Variants in GDAP1 observed in about 807,000 individuals in gnomAD.
GDAP1 encodes the protein ganglioside-induced differentiation-associated protein 1.
GDAP1 carries 34 observed loss-of-function variants against 40.1 expected under a neutral mutation model. The ratio of observed to expected loss-of-function variants is 0.85; its 90% CI spans 0.64 to 1.13. GDAP1 has a LOEUF of 1.13. Among genes scored for constraint, GDAP1 ranks in the 50% most tolerant of loss-of-function variants. The pLI is 0.00. For synonymous variants in GDAP1, 170 were observed against 157.4 expected, an observed-to-expected ratio of 1.08 and a Z score of -0.60; for missense variants, 374 against 433.7, an observed-to-expected ratio of 0.86 and a Z score of 1.22.
chr8:74,482,188 T>G (rs1372635711), intron 2 of GDAP1, among the ~76,000 whole-genome samples: 2 of 151,874 alleles, frequency 1.3e-5, no homozygotes, highest in Non-Finnish European at 2.9e-5. Flanking sequence ...TCATTTACAT[T>G]CTTATGTTAT....
intron 2 of GDAP1, among the ~76,000 whole-genome samples, chr8:74,488,348 G>A (rs1163267924): frequency 8.5e-5 from 13 of 152,116 alleles, no homozygotes; most frequent in Admixed American, 8.5e-4. Flanking sequence ...CTTGAGGGAT[G>A]AAATTCCTAG....
chr8:74,422,416 C>T (rs535218236), intron 2 of GDAP1, among the ~76,000 whole-genome samples: 4 of 121,354 alleles, frequency 3.3e-5, no homozygotes, highest in African/African-American at 9.5e-5. Flanking sequence ...TCTCTCTCTT[C>T]GTTTTCTTCC....
At chr8:74,483,054 G>A (rs2128721756) in intron 2 of GDAP1, among the ~76,000 whole-genome samples, 1 of 152,190 alleles carries the variant, frequency 6.6e-6, no homozygotes, top group South Asian at 2.1e-4. Context: ...TAAAATGAAA[G>A]TAAACTCTGT....
chr8:74,478,386 G>A (rs1806662671), intron 2 of GDAP1, among the ~76,000 whole-genome samples: 1 of 152,068 alleles, frequency 6.6e-6, no homozygotes, highest in Admixed American at 6.5e-5. Context: ...TACAGGGAGG[G>A]CGTGGGTAGG....
At chr8:74,361,845 G>T in intron 3 of GDAP1, 39 bp from the exon 4 acceptor site, 1 of 1,152,676 alleles carries the variant, frequency 8.7e-7, no homozygotes, top group South Asian at 1.2e-5. Flanking sequence ...GTAGAAGGGA[G>T]AAAATAATTT....
chr8:74,416,256 C>G (rs1229588971), intron 2 of GDAP1, among the ~76,000 whole-genome samples: 1 of 150,026 alleles, frequency 6.7e-6, no homozygotes, highest in East Asian at 1.9e-4. Context: ...GCCCTGGTAG[C>G]TTAACACAAA....
At chr8:74,456,029 G>A (rs576887144) in intron 2 of GDAP1, among the ~76,000 whole-genome samples, 2 of 151,966 alleles carry the variant, frequency 1.3e-5, no homozygotes, top group South Asian at 4.2e-4. Context: ...AACTTACTCT[G>A]TCATATTTAT....
At chr8:74,405,282 C>T (rs891809452) in intron 2 of GDAP1, among the ~76,000 whole-genome samples, 2 of 150,110 alleles carry the variant, frequency 1.3e-5, no homozygotes, top group African/African-American at 5.1e-5. Context: ...TCCACCTGGC[C>T]TGGCCCTTGA....
intron 2 of GDAP1, among the ~76,000 whole-genome samples, chr8:74,409,502 C>T (rs980998385): frequency 1.6e-4 from 24 of 149,664 alleles, no homozygotes; most frequent in Non-Finnish European, 3.4e-4. Flanking sequence ...CAGGCATGCA[C>T]CATTACTGCC....
chr8:74,447,331 A>C (rs1268184582), intron 2 of GDAP1, among the ~76,000 whole-genome samples: 1 of 152,148 alleles, frequency 6.6e-6, no homozygotes, highest in Non-Finnish European at 1.5e-5. Flanking sequence ...GGTAATTATT[A>C]AAGCTGGGAA....
intron 2 of GDAP1, among the ~76,000 whole-genome samples, chr8:74,478,750 C>G (rs1162392196): frequency 6.6e-6 from 1 of 152,190 alleles, no homozygotes; most frequent in Admixed American, 6.5e-5. Context: ...GAGTTCTGCC[C>G]CTACCACTTG....
chr8:74,362,784 C>CTTTTTTTTTTTTTTTTTTTTTT, intron 4 of GDAP1, among the ~76,000 whole-genome samples, 155 bp from the exon 5 acceptor site: 1 of 60,450 alleles, frequency 1.7e-5, no homozygotes, highest in South Asian at 7.1e-4. Flanking sequence ...CTCTCTCTCT[C>CTTTTTTTTTTTTTTTTTTTTTT]TTTTTTTTTT....
intron 2 of GDAP1, among the ~76,000 whole-genome samples, chr8:74,434,172 G>T (rs146948303): frequency 6.6e-6 from 1 of 152,122 alleles, no homozygotes; most frequent in Non-Finnish European, 1.5e-5. Context: ...GAACCCACTG[G>T]GGTTCCCACT....
chr8:74,416,937 T>G lies in GDAP1; in HGVS notation c.165+65616T>G, dbSNP rs1172031638. 2.7e-5 allele frequency among the ~76,000 whole-genome samples: 4 copies of G among 147,686 alleles called. 1 individual carries two copies. Among genetic ancestry groups the G allele is most frequent in the African/African-American group, 7.9e-5 (3 of 37,796 alleles). On this transcript the variant is annotated intron_variant, in intron 2 of 2. Transcript: ENST00000523640. ...TTGTTTTTTTGTTTTTTGTTTTTTT[T>G]TTTTTTAACAGAGGCATAGTGCACT... is the stretch of plus-strand genomic sequence containing the variant.
chr8:74,465,222 AAAAT>A (rs1806454047), intron 2 of GDAP1, among the ~76,000 whole-genome samples: 1 of 152,126 alleles, frequency 6.6e-6, no homozygotes, highest in Non-Finnish European at 1.5e-5. Flanking sequence ...CTCCTCTCCA[AAAAT>A]AAATAAATAA....
Position 74,363,246 on chromosome 8 carries a change from T to G in GDAP1, c.694+193T>G, listed in dbSNP as rs1332783193. On this transcript the variant is annotated intron_variant, in intron 5 of 5. Transcript: ENST00000220822. Reference sequence around the variant, plus strand: ...GTCTAATTGTAACTCAATCTGCATCTACGTGAAGGATTTTTCTGCATAATT... The same window carrying G: ...GTCTAATTGTAACTCAATCTGCATCGACGTGAAGGATTTTTCTGCATAATT... 2.1e-4 allele frequency among the ~76,000 whole-genome samples: 32 copies of G among 152,358 alleles called. 1 individual carries two copies. The highest frequency in any genetic ancestry group is 7.3e-5 in the Non-Finnish European group (5 of 68,030).
downstream of GDAP1, among the ~76,000 whole-genome samples, chr8:74,370,464 T>C (rs1281962511): frequency 1.3e-5 from 2 of 152,294 alleles, no homozygotes; most frequent in African/African-American, 4.8e-5. Flanking sequence ...TAGTGCAATT[T>C]TGACACTAAA....
intron 2 of GDAP1, among the ~76,000 whole-genome samples, chr8:74,442,958 C>T (rs1374502213): frequency 6.6e-6 from 1 of 152,184 alleles, no homozygotes; most frequent in Non-Finnish European, 1.5e-5. Flanking sequence ...AAATGGAGCA[C>T]CACCTTTTAG....
chr8:74,455,497 A>G (rs1806325495), intron 2 of GDAP1, among the ~76,000 whole-genome samples: 1 of 152,016 alleles, frequency 6.6e-6, no homozygotes, highest in Non-Finnish European at 1.5e-5. Context: ...TACAAAATGT[A>G]CTATATAATT....
Sources: gnomAD v4.1 joint callset for allele counts (sites outside exome capture counted in the v4.1 genomes callset) on GRCh38, gnomAD v4.1.1 for gene constraint, MANE v1.5 for transcripts, NCBI Gene and HGNC (gene_info 2026-07-23, HGNC 2026-07-21) for gene names.